PIBF1: variants seen among roughly 807,000 people sequenced by gnomAD.
PIBF1 encodes progesterone immunomodulatory binding factor 1.
In PIBF1, 90 loss-of-function variants were observed where a neutral mutation model predicts 112.5. The observed-to-expected ratio is 0.80, with a 90% CI of 0.67 to 0.95. PIBF1 has a LOEUF of 0.95. PIBF1 is among the 40% of genes least tolerant of loss of function. The probability of loss-of-function intolerance (pLI) is 0.00; values close to 1 mark genes in which losing one functional copy is unlikely to be tolerated. For missense variants in PIBF1, 915 were observed against 852.3 expected, an observed-to-expected ratio of 1.07 and a Z score of -0.92; for synonymous variants, 301 against 288.6, an observed-to-expected ratio of 1.04 and a Z score of -0.44.
intron 11 of PIBF1, among the ~76,000 whole-genome samples, chr13:72,903,031 G>T (rs898485597): frequency 6.6e-6 from 1 of 151,842 alleles, no homozygotes; most frequent in Non-Finnish European, 1.5e-5. Context: ...GAGTAGCTAA[G>T]ATTACAGGCG....
chr13:72,945,508 A>G (rs2042126003), intron 14 of PIBF1, among the ~76,000 whole-genome samples: 1 of 152,198 alleles, frequency 6.6e-6, no homozygotes, highest in Non-Finnish European at 1.5e-5. Flanking sequence ...CCTACCAACA[A>G]TATACAAGCA....
At chr13:72,880,359 A>G (rs532425494) in intron 10 of PIBF1, among the ~76,000 whole-genome samples, 8 of 152,174 alleles carry the variant, frequency 5.3e-5, no homozygotes, top group African/African-American at 1.9e-4. Flanking sequence ...AAAAATTGGA[A>G]CTCTGCAGCC....
chr13:72,870,843 CAGAT>C (rs1293225738), intron 10 of PIBF1, among the ~76,000 whole-genome samples: 2 of 142,038 alleles, frequency 1.4e-5, no homozygotes, highest in East Asian at 4.1e-4. Flanking sequence ...AAAAAAAAAA[CAGAT>C]AATTCATTCA....
intron 12 of PIBF1, among the ~76,000 whole-genome samples, chr13:72,911,315 A>G (rs372083182): frequency 6.6e-6 from 1 of 152,252 alleles, no homozygotes; most frequent in African/African-American, 2.4e-5. Context: ...GAAACAGACT[A>G]GAAAACCCAG....
intron 10 of PIBF1, among the ~76,000 whole-genome samples, chr13:72,893,458 C>A (rs2040139335): frequency 6.6e-6 from 1 of 151,892 alleles, no homozygotes; most frequent in Non-Finnish European, 1.5e-5. Context: ...TTTAAAAAGG[C>A]CTATGAGAAG....
rs150236864 is a variant in PIBF1 at position 72,991,876 on chromosome 13, G to A, written c.2050-6946G>A. ...TGGGACTACAGGCGCCCGCCACCTCGCCTGGCTAATTTTTTGTGTTTTTAG... is the reference window on the plus strand; with the variant it reads ...TGGGACTACAGGCGCCCGCCACCTCACCTGGCTAATTTTTTGTGTTTTTAG... On this transcript the variant is annotated intron_variant, in intron 16 of 17. Transcript: ENST00000326291. 9.0e-3 allele frequency among the ~76,000 whole-genome samples: 1,365 copies of A among 152,084 alleles called. 16 individuals carry two copies. The highest frequency in any genetic ancestry group is 0.029 in the African/African-American group (1,211 of 41,510).
At chr13:72,965,441 G>A in intron 15 of PIBF1, 37 bp downstream of exon 15, 1 of 1,543,946 alleles carries the variant, frequency 6.5e-7, no homozygotes, top group Middle Eastern at 1.7e-4. Context: ...GAATAATAAA[G>A]ACATTGTTAC....
chr13:72,966,706 C>G (rs887683119), intron 15 of PIBF1, among the ~76,000 whole-genome samples: 4 of 152,014 alleles, frequency 2.6e-5, no homozygotes, highest in African/African-American at 4.8e-5. Flanking sequence ...GTCAGGAATT[C>G]TAGACCAGCC....
At chr13:72,987,861 T>TATTTATTTA (rs113440808) in intron 16 of PIBF1, among the ~76,000 whole-genome samples, 7 of 86,874 alleles carry the variant, frequency 8.1e-5, no homozygotes, top group African/African-American at 3.1e-4. Flanking sequence ...TTTATTTATT[T>TATTTATTTA]TTTTTTTTTT....
At chr13:72,812,905 G>A (rs2036085860) in intron 5 of PIBF1, among the ~76,000 whole-genome samples, 1 of 152,094 alleles carries the variant, frequency 6.6e-6, no homozygotes, top group African/African-American at 2.4e-5. Flanking sequence ...AGTGAGCCAA[G>A]ATCGCACCAC....
At chr13:72,840,081 A>G (rs915670797) in intron 9 of PIBF1, among the ~76,000 whole-genome samples, 7 of 152,326 alleles carry the variant, frequency 4.6e-5, no homozygotes, top group Middle Eastern at 3.4e-3. Context: ...TGAATTTCAC[A>G]GGACACCTAA....
intron 3 of PIBF1, among the ~76,000 whole-genome samples, chr13:72,794,894 T>C (rs566133764): frequency 3.9e-5 from 6 of 152,204 alleles, no homozygotes; most frequent in Non-Finnish European, 8.8e-5. Flanking sequence ...GCTACATGTA[T>C]TCTTTGAGAA....
intron 14 of PIBF1, among the ~76,000 whole-genome samples, chr13:72,964,766 A>T (rs1458381282): frequency 6.6e-6 from 1 of 152,178 alleles, no homozygotes; most frequent in African/African-American, 2.4e-5. Flanking sequence ...TTAATATTTT[A>T]TTTAAAATTT....
intron 5 of PIBF1, among the ~76,000 whole-genome samples, chr13:72,801,927 T>A (rs2035498490): frequency 6.6e-6 from 1 of 152,212 alleles, no homozygotes; most frequent in Non-Finnish European, 1.5e-5. Context: ...AGACCATTAA[T>A]TTTGTAAACA....
chr13:72,823,551 G>A (rs1297989923), intron 6 of PIBF1, among the ~76,000 whole-genome samples: 1 of 151,762 alleles, frequency 6.6e-6, no homozygotes, highest in Non-Finnish European at 1.5e-5. Flanking sequence ...ATAAACTGGG[G>A]AAGAAAAAAA....
In PIBF1 at chr13:72,847,915, G is replaced by A. The variant is rs2037945572; in HGVS notation, c.1224-6142G>A. On this transcript the variant is annotated intron_variant, in intron 9 of 17. Coordinates refer to ENST00000326291, the MANE Select transcript of PIBF1 (RefSeq NM_006346.4). ...ATGTTGTGTCCAGGAAGACGCTGGAGGTAGAGATGATAAATTCAAACACTT... is the reference window on the plus strand; with the variant it reads ...ATGTTGTGTCCAGGAAGACGCTGGAAGTAGAGATGATAAATTCAAACACTT... Among the ~76,000 whole-genome samples, 3 of 152,174 alleles carry A rather than the reference G, an allele frequency of 2.0e-5. No homozygotes were observed. In the South Asian group the frequency reaches 6.2e-4, roughly 32 times the overall value.
intron 16 of PIBF1, among the ~76,000 whole-genome samples, chr13:72,998,411 G>A (rs2043750154): frequency 6.6e-6 from 1 of 151,814 alleles, no homozygotes; most frequent in Non-Finnish European, 1.5e-5. Flanking sequence ...GGAGGTAGAG[G>A]CTGCAGTGAG....
chr13:72,919,110 T>A (rs953447018), intron 13 of PIBF1, among the ~76,000 whole-genome samples: 2 of 152,128 alleles, frequency 1.3e-5, no homozygotes, highest in African/African-American at 4.8e-5. Context: ...CAGAGTTGCT[T>A]TTTTTTATGT....
chr13:72,829,366 T>G (rs2036987611), intron 8 of PIBF1, among the ~76,000 whole-genome samples: 1 of 152,242 alleles, frequency 6.6e-6, no homozygotes, highest in African/African-American at 2.4e-5. Context: ...GCCTACATCC[T>G]GAATGATATT....
Sources: allele counts gnomAD v4.1 joint callset (sites outside exome capture counted in the v4.1 genomes callset), GRCh38; gene constraint gnomAD v4.1.1; transcripts MANE v1.5; gene names NCBI Gene and HGNC (gene_info 2026-07-23, HGNC 2026-07-21).